PPIP5K2: variants seen among roughly 807,000 people sequenced by gnomAD.
PPIP5K2 encodes the protein diphosphoinositol pentakisphosphate kinase 2.
In PPIP5K2, 105 loss-of-function variants were observed where a neutral mutation model predicts 154.6. That is an observed-to-expected ratio of 0.68 (90% confidence interval 0.58 to 0.80). The LOEUF is 0.80. PPIP5K2 is among the 30% of genes least tolerant of loss of function. The pLI is 0.00. For synonymous variants in PPIP5K2, 480 were observed against 490.3 expected (o/e 0.98, Z 0.28); for missense variants, 992 against 1,504.6 (o/e 0.66, Z 5.64).
At chr5:103,167,998 A>T (rs1562457049) in intron 18 of PPIP5K2, 74 bp from the exon 19 acceptor site, 3 of 965,328 alleles carry the variant, frequency 3.1e-6, no homozygotes, top group Non-Finnish European at 4.6e-6. Context: ...AAAGTTTCTA[A>T]TTATTAACAT....
At chr5:103,156,939 T>C (rs1253861352) in intron 14 of PPIP5K2, among the ~76,000 whole-genome samples, 1 of 152,156 alleles carries the variant, frequency 6.6e-6, no homozygotes, top group African/African-American at 2.4e-5. Flanking sequence ...TAACATTTGA[T>C]ATATTGCTCT....
At position 103,190,912 on chromosome 5, in the gene PPIP5K2, G is replaced by A. The variant is rs115289997; in HGVS notation, c.3423G>A (p.Lys1141=). Residue 1141 remains lysine (K), a synonymous_variant, in exon 29 of 31, where the codon AAG becomes AAA. Coordinates refer to ENST00000358359, the MANE Select transcript of PPIP5K2 (RefSeq NM_001276277.3). ...LETLHNALSL[K]QVDEFLASIA... is the part of the protein sequence containing the mutation. ...CTCTTCATAATGCCCTATCTTTAAA[G>A]CAAGTGGATGAATTTCTTGCTTCCA... 8 of 1,609,758 alleles carry A rather than the reference G, an allele frequency of 5.0e-6. No homozygotes were observed. In the East Asian group the frequency reaches 1.6e-4, roughly 32 times the overall value.
intron 20 of PPIP5K2, 107 bp downstream of exon 20, chr5:103,173,389 A>ACAC: frequency 1.6e-6 from 2 of 1,275,562 alleles, no homozygotes; most frequent in Non-Finnish European, 2.1e-6. Context: ...TGTCATTGGC[A>ACAC]TACTGTGAAA....
At chr5:103,172,519 C>T (rs2149698994) in intron 19 of PPIP5K2, among the ~76,000 whole-genome samples, 1 of 151,500 alleles carries the variant, frequency 6.6e-6, no homozygotes, top group East Asian at 1.9e-4. Flanking sequence ...CTGCCTTCTT[C>T]CTTTCTCCTC....
intron 1 of PPIP5K2, among the ~76,000 whole-genome samples, chr5:103,126,915 T>A (rs1024089709): frequency 2.6e-5 from 4 of 152,124 alleles, no homozygotes; most frequent in Non-Finnish European, 5.9e-5. Context: ...CTTTGCATCC[T>A]TCAATCCAAT....
intron 4 of PPIP5K2, among the ~76,000 whole-genome samples, chr5:103,137,722 GT>G (rs1246731218): frequency 6.6e-6 from 1 of 151,754 alleles, no homozygotes; most frequent in Non-Finnish European, 1.5e-5. Flanking sequence ...AGACCTTATG[GT>G]TTTTTCACTT....
intron 1 of PPIP5K2, among the ~76,000 whole-genome samples, chr5:103,127,187 AAAT>A (rs1379468589): frequency 1.3e-5 from 2 of 152,234 alleles, no homozygotes; most frequent in African/African-American, 4.8e-5. Flanking sequence ...TACAGTTTTA[AAAT>A]AATGTCATAA....
chr5:103,180,807 G>A (rs1312767217), intron 24 of PPIP5K2, among the ~76,000 whole-genome samples: 7 of 147,270 alleles, frequency 4.8e-5, no homozygotes, highest in Non-Finnish European at 7.4e-5. Context: ...CTAAGATCAC[G>A]CCACTGCACT....
At chr5:103,153,806 CT>C in intron 10 of PPIP5K2, 41 bp from the exon 11 acceptor site, 2 of 1,382,700 alleles carry the variant, frequency 1.4e-6, no homozygotes, top group South Asian at 1.3e-5. Flanking sequence ...CAACACAAAT[CT>C]TTTTTAGAGA....
intron 1 of PPIP5K2, among the ~76,000 whole-genome samples, chr5:103,126,436 C>A (rs1375235822): frequency 1.3e-5 from 2 of 152,092 alleles, no homozygotes; most frequent in Non-Finnish European, 2.9e-5. Flanking sequence ...TACTTACACA[C>A]ATATTTTGTA....
chr5:103,123,957 G>A (rs1370276355), intron 1 of PPIP5K2, among the ~76,000 whole-genome samples: 2 of 152,086 alleles, frequency 1.3e-5, no homozygotes, highest in African/African-American at 2.4e-5. Context: ...AAACCATTTT[G>A]AATGTCCTGC....
chr5:103,183,714 T>C (rs1305880830), intron 25 of PPIP5K2, among the ~76,000 whole-genome samples: 1 of 152,168 alleles, frequency 6.6e-6, no homozygotes, highest in African/African-American at 2.4e-5. Context: ...ATGAAAGAAA[T>C]CTTTTTTGAC....
intron 19 of PPIP5K2, among the ~76,000 whole-genome samples, chr5:103,170,420 T>C (rs1797799929): frequency 6.6e-6 from 1 of 151,622 alleles, no homozygotes; most frequent in Non-Finnish European, 1.5e-5. Flanking sequence ...AAGACAACTC[T>C]AAAATTATTT....
At chr5:103,133,864 T>C (rs1791044769) in intron 3 of PPIP5K2, among the ~76,000 whole-genome samples, 1 of 152,170 alleles carries the variant, frequency 6.6e-6, no homozygotes, top group Non-Finnish European at 1.5e-5. Flanking sequence ...ATTTTATATT[T>C]AACCTTTTTC....
chr5:103,192,027 G>A (rs1217313750), intron 29 of PPIP5K2, among the ~76,000 whole-genome samples: 3 of 151,888 alleles, frequency 2.0e-5, no homozygotes, highest in South Asian at 2.1e-4. Context: ...CCATCACATC[G>A]TATAATTCTA....
chr5:103,182,938 A>G (rs1554223422), intron 24 of PPIP5K2, among the ~76,000 whole-genome samples: 2 of 152,092 alleles, frequency 1.3e-5, no homozygotes, highest in Admixed American at 1.3e-4. Context: ...GGAAGGGACA[A>G]TTATGAAGCA....
Position 103,151,243 on chromosome 5 carries a change from T to C in PPIP5K2, c.907-10T>C, listed in dbSNP as rs1554211221. ...ATAAAACCTTAAAGTTTATAACTTATTTTAAATAGCAAACAGTTTGTGGCT... is the reference window on the plus strand; with the variant it reads ...ATAAAACCTTAAAGTTTATAACTTACTTTAAATAGCAAACAGTTTGTGGCT... On this transcript the variant is annotated splice_polypyrimidine_tract_variant and intron_variant, in intron 8 of 30. Coordinates refer to ENST00000358359, the MANE Select transcript of PPIP5K2 (RefSeq NM_001276277.3). 5 of 1,586,258 alleles carry C rather than the reference T, an allele frequency of 3.2e-6. No homozygotes were observed. The highest frequency in any genetic ancestry group is 4.3e-6 in the Non-Finnish European group (5 of 1,166,840).
At chr5:103,125,150 T>C (rs1319792030) in intron 1 of PPIP5K2, among the ~76,000 whole-genome samples, 2 of 152,194 alleles carry the variant, frequency 1.3e-5, no homozygotes, top group African/African-American at 4.8e-5. Flanking sequence ...AAAAACTGGT[T>C]CTCAAACTTG....
intron 5 of PPIP5K2, among the ~76,000 whole-genome samples, chr5:103,141,886 G>A (rs1450116260): frequency 6.6e-6 from 1 of 152,214 alleles, no homozygotes; most frequent in Admixed American, 6.5e-5. Flanking sequence ...TAAACACAGG[G>A]TGCTGATTGG....
Sources: gnomAD v4.1 joint callset for allele counts (sites outside exome capture counted in the v4.1 genomes callset) on GRCh38, gnomAD v4.1.1 for gene constraint, MANE v1.5 for transcripts, NCBI Gene and HGNC (gene_info 2026-07-23, HGNC 2026-07-21) for gene names.